NBAS: variants seen among roughly 807,000 people sequenced by gnomAD.
The protein encoded by NBAS is NBAS subunit of NRZ tethering complex.
NBAS carries 219 observed loss-of-function variants against 302.5 expected under a neutral mutation model. The ratio of observed to expected loss-of-function variants is 0.72; its 90% CI spans 0.65 to 0.81. The LOEUF (loss-of-function observed/expected upper bound fraction) is 0.81. Ranked by LOEUF, NBAS falls within the 30% of genes least tolerant of loss-of-function variation. The pLI, the probability that NBAS is intolerant of heterozygous loss-of-function variation, is 0.00. For missense variants in NBAS, 2,932 were observed against 2,841.6 expected (o/e 1.03, Z -0.72); for synonymous variants, 1,118 against 1,021.6 (o/e 1.09, Z -1.80).
intron 3 of NBAS, 67 bp downstream of exon 3, chr2:15,556,716 T>C (rs1413142602): frequency 3.6e-6 from 5 of 1,388,130 alleles, no homozygotes; most frequent in East Asian, 4.6e-5. Context: ...TGAAAACAAA[T>C]CATATATAGA....
At chr2:15,551,287 A>G (rs1664370318) in intron 6 of NBAS, among the ~76,000 whole-genome samples, 1 of 151,734 alleles carries the variant, frequency 6.6e-6, no homozygotes, top group Non-Finnish European at 1.5e-5. Flanking sequence ...TTTAGAACCC[A>G]GTTTCCAAAT....
chr2:15,401,392 G>A (rs914251003), intron 26 of NBAS, among the ~76,000 whole-genome samples: 3 of 150,648 alleles, frequency 2.0e-5, no homozygotes, highest in African/African-American at 7.5e-5. Flanking sequence ...AGAGAAAAGA[G>A]GGAGAAGATA....
chr2:15,385,642 G>A (rs867644989), intron 28 of NBAS, among the ~76,000 whole-genome samples: 5 of 152,282 alleles, frequency 3.3e-5, no homozygotes, highest in South Asian at 2.1e-4. Context: ...AAATAGTAGT[G>A]TACTCAAGTT....
the NBAS span, among the ~76,000 whole-genome samples, chr2:14,965,823 C>T: frequency 6.6e-6 from 1 of 151,676 alleles, no homozygotes; most frequent in South Asian, 2.1e-4. Flanking sequence ...TAAAATAATA[C>T]TTCATGATTG....
chr2:14,820,990 C>T, the NBAS span, among the ~76,000 whole-genome samples: 3 of 151,482 alleles, frequency 2.0e-5, no homozygotes, highest in African/African-American at 4.9e-5. Context: ...AGTGCAGTGG[C>T]GCGATCTTGG....
Position 15,167,070 on chromosome 2 carries a change from C to T in NBAS, c.7094G>A (p.Arg2365His), listed in dbSNP as rs774795059. The T allele has an allele frequency of 8.1e-6, 13 of 1,598,404 alleles. No homozygotes were observed. Among genetic ancestry groups the T allele is most frequent in the East Asian group, 2.2e-5 (1 of 44,676 alleles). The change falls in exon 52 of 52, where the codon CGC becomes CAC. Residue 2365 changes from arginine (R) to histidine (H), a missense_variant. Physicochemically the swap from Arg to His is conservative, Grantham distance 29. Coordinates refer to ENST00000281513, the MANE Select transcript of NBAS (RefSeq NM_015909.4). ...QAFRTFSTAL[R>H]AAQHWV ...CCCTCACACCCAGTGCTGTGCTGCG[C>T]GGAGGGCTGTACTGAAGGTTCTGAA...
At chr2:15,292,809 C>T in intron 40 of NBAS, 43 bp from the exon 41 acceptor site, 1 of 1,565,852 alleles carries the variant, frequency 6.4e-7, no homozygotes, top group African/African-American at 1.4e-5. Context: ...CAACATCATA[C>T]AAACACGAGC....
At chr2:15,110,406 G>A in the NBAS span, among the ~76,000 whole-genome samples, 1 of 152,130 alleles carries the variant, frequency 6.6e-6, no homozygotes, top group African/African-American at 2.4e-5. Context: ...ATTTATAATT[G>A]TTCTAGTAAC....
the NBAS span, among the ~76,000 whole-genome samples, chr2:15,139,335 G>A: frequency 3.3e-4 from 50 of 152,296 alleles, no homozygotes; most frequent in Middle Eastern, 3.4e-3. Flanking sequence ...AAGACCCCCC[G>A]ATTTCACAAA....
At chr2:15,494,376 G>T (rs753113004) in intron 11 of NBAS, among the ~76,000 whole-genome samples, 5 of 152,178 alleles carry the variant, frequency 3.3e-5, no homozygotes, top group Non-Finnish European at 5.9e-5. Flanking sequence ...TTGCCCCAAG[G>T]ATAAAATTAG....
intron 35 of NBAS, among the ~76,000 whole-genome samples, chr2:15,351,632 C>T (rs1261133494): frequency 6.6e-6 from 1 of 151,790 alleles, no homozygotes; most frequent in African/African-American, 2.4e-5. Context: ...GAGTGGAGAT[C>T]ACACCACTGC....
chr2:14,893,397 TG>T, the NBAS span, among the ~76,000 whole-genome samples: 1 of 152,230 alleles, frequency 6.6e-6, no homozygotes, highest in African/African-American at 2.4e-5. Context: ...TCCTAGTTTT[TG>T]TTACATTTTC....
chr2:14,926,893 G>A, the NBAS span, among the ~76,000 whole-genome samples: 1 of 152,208 alleles, frequency 6.6e-6, no homozygotes, highest in Non-Finnish European at 1.5e-5. Context: ...GCTGGGCGAC[G>A]ACGCCCAGAT....
At chr2:15,452,193 G>A (rs769991023) in intron 21 of NBAS, among the ~76,000 whole-genome samples, 3 of 152,208 alleles carry the variant, frequency 2.0e-5, no homozygotes, top group South Asian at 4.1e-4. Context: ...GCATAGCAAC[G>A]TGAATGTACT....
At chr2:15,148,649 G>A in the NBAS span, among the ~76,000 whole-genome samples, 1 of 152,122 alleles carries the variant, frequency 6.6e-6, no homozygotes, top group South Asian at 2.1e-4. Flanking sequence ...AATGTTATGT[G>A]TAAACAATCT....
chr2:15,041,671 C>T, the NBAS span, among the ~76,000 whole-genome samples: 2 of 152,212 alleles, frequency 1.3e-5, no homozygotes, highest in Admixed American at 1.3e-4. Flanking sequence ...ACTCTTTGTA[C>T]ACCAGTTGAA....
intron 21 of NBAS, among the ~76,000 whole-genome samples, chr2:15,428,211 A>G (rs1677575557): frequency 6.6e-6 from 1 of 152,196 alleles, no homozygotes; most frequent in Non-Finnish European, 1.5e-5. Flanking sequence ...TTGCTATCCA[A>G]TACAGTAACC....
chr2:15,478,337 A>T, intron 12 of NBAS, 48 bp from the exon 13 acceptor site: 1 of 1,380,440 alleles, frequency 7.2e-7, no homozygotes, highest in Non-Finnish European at 1.0e-6. Flanking sequence ...TAAGAAAATT[A>T]TAAGAAAATC....
At chr2:15,518,734 G>A (rs541443897) in intron 9 of NBAS, among the ~76,000 whole-genome samples, 2 of 152,286 alleles carry the variant, frequency 1.3e-5, no homozygotes, top group Non-Finnish European at 2.9e-5. Flanking sequence ...TTACAAAAGA[G>A]AGTTTTATTG....
Sources: allele counts gnomAD v4.1 joint callset (sites outside exome capture counted in the v4.1 genomes callset), GRCh38; gene constraint gnomAD v4.1.1; transcripts MANE v1.5; gene names NCBI Gene and HGNC (gene_info 2026-07-23, HGNC 2026-07-21).